The following HIBADH variants were observed in gnomAD, a reference collection of about 807,000 sequenced individuals.
The protein encoded by HIBADH is 3-hydroxyisobutyrate dehydrogenase.
A neutral mutation model predicts 36.1 loss-of-function variants in HIBADH; 25 were observed. The observed-to-expected ratio is 0.69, with a 90% CI of 0.50 to 0.97. HIBADH has a LOEUF of 0.97. HIBADH is among the 50% of genes least tolerant of loss of function. The pLI is 0.00. For synonymous variants in HIBADH, 160 were observed against 149.5 expected, an observed-to-expected ratio of 1.07 and a Z score of -0.51; for missense variants, 421 against 418.0, an observed-to-expected ratio of 1.01 and a Z score of -0.06.
intron 4 of HIBADH, among the ~76,000 whole-genome samples, chr7:27,550,898 T>TAATATTA (rs1784308017): frequency 6.6e-6 from 1 of 152,216 alleles, no homozygotes; most frequent in Non-Finnish European, 1.5e-5. Flanking sequence ...TAATATTTTC[T>TAATATTA]AGTTTATCAA....
At chr7:27,635,322 G>A (rs1288220800) in intron 2 of HIBADH, among the ~76,000 whole-genome samples, 1 of 152,122 alleles carries the variant, frequency 6.6e-6, no homozygotes, top group East Asian at 1.9e-4. Context: ...GCCTTTAGAA[G>A]CCAAACTAAT....
intron 6 of HIBADH, among the ~76,000 whole-genome samples, chr7:27,536,688 C>T (rs1784076320): frequency 6.6e-6 from 1 of 152,038 alleles, no homozygotes; most frequent in African/African-American, 2.4e-5. Flanking sequence ...AGCACTTAGC[C>T]TATACAAAAC....
At chr7:27,599,557 C>T (rs1785089399) in intron 4 of HIBADH, among the ~76,000 whole-genome samples, 2 of 151,438 alleles carry the variant, frequency 1.3e-5, no homozygotes, top group South Asian at 2.1e-4. Flanking sequence ...TGGCAGGCAC[C>T]TGTAGTCCCA....
intron 2 of HIBADH, among the ~76,000 whole-genome samples, chr7:27,647,211 A>C (rs1786089421): frequency 6.6e-6 from 1 of 152,198 alleles, no homozygotes; most frequent in Non-Finnish European, 1.5e-5. Context: ...TAAGTGACTA[A>C]TGGGCCAGGG....
intron 1 of HIBADH, among the ~76,000 whole-genome samples, chr7:27,649,988 T>C (rs1456458261): frequency 2.0e-5 from 3 of 152,148 alleles, no homozygotes; most frequent in Non-Finnish European, 4.4e-5. Flanking sequence ...TAACTTCTAA[T>C]TATTTAGTTT....
chr7:27,646,663 T>A (rs1212317244), intron 2 of HIBADH, among the ~76,000 whole-genome samples: 2 of 147,728 alleles, frequency 1.4e-5, no homozygotes, highest in Non-Finnish European at 3.0e-5. Flanking sequence ...TAGCTGGGAC[T>A]ACAGGCACAC....
chr7:27,545,435 C>G (rs1267687530), intron 4 of HIBADH, among the ~76,000 whole-genome samples: 1 of 152,096 alleles, frequency 6.6e-6, no homozygotes. Context: ...AAGACCCTGT[C>G]TCAAAAACAA....
chr7:27,620,350 A>T (rs770939931), intron 4 of HIBADH, among the ~76,000 whole-genome samples: 7 of 152,140 alleles, frequency 4.6e-5, no homozygotes, highest in Non-Finnish European at 8.8e-5. Context: ...TCTAAGCTAA[A>T]CAGCAAGACA....
At chr7:27,635,901 GTA>G (rs1785833262) in intron 2 of HIBADH, among the ~76,000 whole-genome samples, 1 of 152,132 alleles carries the variant, frequency 6.6e-6, no homozygotes. Context: ...TGGTTTCTGT[GTA>G]AACCACAATA....
At chr7:27,599,745 T>TA (rs1785094660) in intron 4 of HIBADH, among the ~76,000 whole-genome samples, 1 of 116,824 alleles carries the variant, frequency 8.6e-6, no homozygotes, top group African/African-American at 3.4e-5. Flanking sequence ...ATAATACAAA[T>TA]AAAACCAAAT....
chr7:27,591,550 CA>C (rs11356347), intron 4 of HIBADH, among the ~76,000 whole-genome samples: 107,794 of 142,002 alleles, frequency 0.76, 40,462 homozygotes, highest in East Asian at 0.94. Context: ...GACTCCGTCT[CA>C]AAAAAAAAAA....
chr7:27,594,944 G>C (rs963223838), intron 4 of HIBADH, among the ~76,000 whole-genome samples: 1 of 151,902 alleles, frequency 6.6e-6, no homozygotes, highest in African/African-American at 2.4e-5. Flanking sequence ...AAACTGCAAA[G>C]GAATAAAAAA....
chr7:27,645,368 A>ATGTTTTGTTTTTT, intron 2 of HIBADH, among the ~76,000 whole-genome samples: 1 of 59,652 alleles, frequency 1.7e-5, no homozygotes, highest in Non-Finnish European at 3.1e-5. Context: ...CATGGTTTTG[A>ATGTTTTGTTTTTT]TTTTTTTTTT....
At chr7:27,581,316 G>A (rs1184483137) in intron 4 of HIBADH, among the ~76,000 whole-genome samples, 1 of 152,142 alleles carries the variant, frequency 6.6e-6, no homozygotes, top group Non-Finnish European at 1.5e-5. Flanking sequence ...AAGGAAGAAC[G>A]AGGAAGCTGA....
At position 27,637,307 on chromosome 7, in the gene HIBADH, G is replaced by A. The variant is rs148288047; in HGVS notation, c.253-4862C>T. ...TGAGCCCAGACAGTTTGGTTCCGGG[G>A]TTTATATTTTTAAATCACTGCATTC... On this transcript the variant is annotated intron_variant, in intron 2 of 7. Coordinates refer to ENST00000265395, the MANE Select transcript of HIBADH (RefSeq NM_152740.4). 7.8e-4 allele frequency among the ~76,000 whole-genome samples: 118 copies of A among 152,226 alleles called. 2 individuals carry two copies. The East Asian group carries it at 0.018, about 23-fold the overall frequency.
rs565658238 is a variant in HIBADH, at chr7:27,655,922, T to C, written c.92-6289A>G. Reference sequence around the variant, plus strand: ...TGCTCTCATATACTGTCAAATTGTATATTAGGTCGACCTTTTGGATGGTAA... The same window carrying C: ...TGCTCTCATATACTGTCAAATTGTACATTAGGTCGACCTTTTGGATGGTAA... On this transcript the variant is annotated intron_variant, in intron 1 of 7. Coordinates refer to ENST00000265395, the MANE Select transcript of HIBADH (RefSeq NM_152740.4). 1.5e-3 allele frequency among the ~76,000 whole-genome samples: 236 copies of C among 152,280 alleles called. 1 individual carries two copies. Among genetic ancestry groups the C allele is most frequent in the African/African-American group, 5.3e-3 (221 of 41,554 alleles).
intron 6 of HIBADH, among the ~76,000 whole-genome samples, chr7:27,536,370 T>G (rs796353235): frequency 3.3e-5 from 5 of 152,254 alleles, no homozygotes; most frequent in Middle Eastern, 6.8e-3. Flanking sequence ...GTTTCTGCCT[T>G]GTGTTCAGAC....
At chr7:27,554,730 C>T (rs1039879529) in intron 4 of HIBADH, among the ~76,000 whole-genome samples, 14 of 152,030 alleles carry the variant, frequency 9.2e-5, no homozygotes, top group South Asian at 2.1e-4. Context: ...GATGATAACC[C>T]GGCAGCAAAC....
In HIBADH at chr7:27,542,956, A is replaced by T. The variant is rs377399312; in HGVS notation, c.618+11T>A. The T allele has an allele frequency of 6.2e-7, 1 of 1,611,148 alleles. No individual in the cohort carries two copies. The highest frequency in any genetic ancestry group is 8.5e-7 in the Non-Finnish European group (1 of 1,178,798). On this transcript the variant is annotated intron_variant, in intron 5 of 7. Transcript: ENST00000265395. ...ATCATCAAGTCAAGGTCATTAATGT[A>T]AAAATCTTACCTGCCCAGTCCCAAC... is the stretch of plus-strand genomic sequence containing the variant.
Sources: gnomAD v4.1 joint callset for allele counts (sites outside exome capture counted in the v4.1 genomes callset) on GRCh38, gnomAD v4.1.1 for gene constraint, MANE v1.5 for transcripts, NCBI Gene and HGNC (gene_info 2026-07-23, HGNC 2026-07-21) for gene names.